Variants in SLC5A8 observed in about 807,000 individuals in gnomAD.
The protein encoded by SLC5A8 is sodium-coupled monocarboxylate transporter 1.
A neutral mutation model predicts 71.9 loss-of-function variants in SLC5A8; 55 were observed. The ratio of observed to expected loss-of-function variants is 0.77; its 90% CI spans 0.62 to 0.96. The LOEUF (loss-of-function observed/expected upper bound fraction) is 0.96. Among genes scored for constraint, SLC5A8 ranks in the 40% least tolerant of loss-of-function variants. SLC5A8 has a pLI of 0.00. For missense variants in SLC5A8, 701 were observed against 745.3 expected (o/e 0.94, Z 0.69); for synonymous variants, 307 against 276.1 (o/e 1.11, Z -1.11).
chr12:101,157,755 A>G (rs1363693403), intron 14 of SLC5A8, among the ~76,000 whole-genome samples: 2 of 152,198 alleles, frequency 1.3e-5, no homozygotes, highest in Non-Finnish European at 2.9e-5. Context: ...AGACAGATAT[A>G]GAGAGAGATA....
chr12:101,197,100 T>A (rs577772220), intron 3 of SLC5A8, among the ~76,000 whole-genome samples: 12 of 152,354 alleles, frequency 7.9e-5, no homozygotes, highest in Non-Finnish European at 1.2e-4. Context: ...AAGAATTTTT[T>A]AAAAATCTCA....
chr12:101,208,040 T>C (rs919189686), intron 1 of SLC5A8, among the ~76,000 whole-genome samples: 4 of 151,880 alleles, frequency 2.6e-5, no homozygotes, highest in African/African-American at 9.7e-5. Flanking sequence ...GCCTTTTGAG[T>C]TCTCGAAAGA....
At chr12:101,193,526 G>C (rs1411091066) in intron 5 of SLC5A8, 99 bp downstream of exon 5, 2 of 1,383,564 alleles carry the variant, frequency 1.4e-6, no homozygotes, top group African/African-American at 2.9e-5. Context: ...TTAGCAATTT[G>C]TTGGCTTGTT....
intron 2 of SLC5A8, among the ~76,000 whole-genome samples, chr12:101,202,507 C>T (rs1869498906): frequency 6.6e-6 from 1 of 151,828 alleles, no homozygotes; most frequent in Admixed American, 6.6e-5. Flanking sequence ...TCCACCAACT[C>T]AAGCTTGAAA....
At position 101,195,085 on chromosome 12, in the gene SLC5A8, C is replaced by T; in HGVS notation, c.537+10G>A. 1.2e-6 allele frequency: 2 copies of T among 1,613,910 alleles called. No homozygotes were observed. Among genetic ancestry groups the T allele is most frequent in the Non-Finnish European group, 1.7e-6 (2 of 1,179,944 alleles). On this transcript the variant is annotated intron_variant, in intron 4 of 14. Coordinates refer to ENST00000536262, the MANE Select transcript of SLC5A8 (RefSeq NM_145913.5). ...GGTAGAGTGAAAAGGGAAATATGTC[C>T]TGGACGTACCAGTGTGCAGTAGAAT...
chr12:101,206,444 A>G (rs1869681781), intron 1 of SLC5A8, among the ~76,000 whole-genome samples: 2 of 152,238 alleles, frequency 1.3e-5, no homozygotes, highest in Non-Finnish European at 2.9e-5. Flanking sequence ...ACCCAAATAA[A>G]TTGAACCAAA....
intron 7 of SLC5A8, among the ~76,000 whole-genome samples, chr12:101,186,018 T>C (rs967982387): frequency 1.3e-5 from 2 of 151,442 alleles, no homozygotes; most frequent in African/African-American, 4.9e-5. Context: ...TCTCTAAGCG[T>C]ATGCAAGCAA....
At chr12:101,191,721 C>T (rs749960719) in intron 5 of SLC5A8, among the ~76,000 whole-genome samples, 25 of 152,206 alleles carry the variant, frequency 1.6e-4, no homozygotes, top group Non-Finnish European at 3.1e-4. Context: ...TCCTTCTTCT[C>T]TTCATTTATC....
rs1253681244 is a variant in SLC5A8 at position 101,198,200 on chromosome 12, T to C, written c.470-3038A>G. Among the ~76,000 whole-genome samples the C allele has an allele frequency of 5.3e-5, 8 of 152,072 alleles. No homozygotes were observed. The East Asian group carries it at 1.5e-3, about 29-fold the overall frequency. ...TTTCAAAAAAATTAATAACTTTAAA[T>C]GTTTGCTTTATGAAATAAGAAATAT... is the stretch of plus-strand genomic sequence containing the variant. On this transcript the variant is annotated intron_variant, in intron 3 of 14. Coordinates refer to ENST00000536262, the MANE Select transcript of SLC5A8 (RefSeq NM_145913.5).
In SLC5A8 at chr12:101,209,870, C is replaced by T. The variant is rs1037437045; in HGVS notation, c.-22G>A. The T allele has an allele frequency of 6.7e-7, 1 of 1,500,328 alleles. No individual in the cohort carries two copies. The highest frequency in any genetic ancestry group is 1.4e-5 in the African/African-American group (1 of 71,302). The allele number at this position is 1,500,328 out of a possible 1,614,324, so 92.9% of individuals were successfully genotyped here. A position where few individuals can be genotyped will look rare whatever the true frequency, so the allele number is the denominator to read the frequency against. The stretch of plus-strand genomic sequence containing the variant: ...CCATGGCCGCACGGTCGCCTGAGCC[C>T]TGCGCGCAAACTGGTGGCCCCGCGG... On this transcript the variant is annotated 5_prime_UTR_variant, in exon 1 of 15. Coordinates refer to ENST00000536262, the MANE Select transcript of SLC5A8 (RefSeq NM_145913.5).
In SLC5A8 at chr12:101,200,009, C is replaced by CAAAA. The variant is rs1182463470; in HGVS notation, c.469+2151_469+2154dup. On this transcript the variant is annotated intron_variant, in intron 3 of 14. Transcript: ENST00000536262. ...GAGGCATAAAATGAAGTACTACCAG[C>CAAAA]AAAAAAAAAAAAAAAAAAAAAAAAA... Among the ~76,000 whole-genome samples the CAAAA allele has an allele frequency of 8.3e-4, 8 of 9,632 alleles. 1 individual carries two copies. Among genetic ancestry groups the CAAAA allele is most frequent in the Non-Finnish European group, 1.2e-3 (6 of 4,956 alleles). 6.3% of individuals were successfully genotyped at this position (9,632 alleles called of 152,430 possible). A position where few individuals can be genotyped will look rare whatever the true frequency, so the allele number is the denominator to read the frequency against.
intron 12 of SLC5A8, among the ~76,000 whole-genome samples, chr12:101,164,827 C>T (rs1373136857): frequency 6.6e-6 from 1 of 152,166 alleles, no homozygotes; most frequent in Admixed American, 6.5e-5. Context: ...TCCAATTTCC[C>T]TTCTGGTCAT....
chr12:101,204,548 A>G lies in SLC5A8; in HGVS notation c.369T>C (p.Phe123=). The G allele has an allele frequency of 6.2e-7, 1 of 1,601,546 alleles. No homozygotes were observed. Among genetic ancestry groups the G allele is most frequent in the Non-Finnish European group, 8.5e-7 (1 of 1,175,888 alleles). ...TSTYEYLELR[F]NKCVRLCGTV... The stretch of plus-strand genomic sequence containing the variant: ...TTCCACAGAGACGAACACATTTGTT[A>G]AATCGAAGTTCTAAATACTGTTGCA... Residue 123 remains phenylalanine, a synonymous_variant, in exon 2 of 15, where the codon TTT becomes TTC. Coordinates refer to ENST00000536262, the MANE Select transcript of SLC5A8 (RefSeq NM_145913.5).
At chr12:101,157,754 T>C (rs1004107366) in intron 14 of SLC5A8, among the ~76,000 whole-genome samples, 2 of 152,114 alleles carry the variant, frequency 1.3e-5, no homozygotes, top group Non-Finnish European at 2.9e-5. Flanking sequence ...TAGACAGATA[T>C]AGAGAGAGAT....
Position 101,209,898 on chromosome 12 carries a change from C to A in SLC5A8, c.-50G>T, listed in dbSNP as rs1054209907. The A allele has an allele frequency of 5.8e-5, 84 of 1,449,310 alleles. No individual in the cohort carries two copies. The highest frequency in any genetic ancestry group is 7.5e-5 in the Non-Finnish European group (82 of 1,095,178). 89.8% of individuals were successfully genotyped at this position (1,449,310 alleles called of 1,614,324 possible). On this transcript the variant is annotated 5_prime_UTR_variant, in exon 1 of 15. Coordinates refer to ENST00000536262, the MANE Select transcript of SLC5A8 (RefSeq NM_145913.5). ...CGCGCAAACTGGTGGCCCCGCGGCGCGCAGCCGGAGCCCGGCGCGCACTTC... is the reference window on the plus strand; with the variant it reads ...CGCGCAAACTGGTGGCCCCGCGGCGAGCAGCCGGAGCCCGGCGCGCACTTC...
chr12:101,189,130 G>T (rs1424531095), intron 6 of SLC5A8, among the ~76,000 whole-genome samples: 1 of 152,194 alleles, frequency 6.6e-6, no homozygotes, highest in South Asian at 2.1e-4. Flanking sequence ...ATCAAGTCGG[G>T]CTTTTTGGGT....
intron 2 of SLC5A8, among the ~76,000 whole-genome samples, chr12:101,203,720 T>A (rs1461408505): frequency 2.6e-5 from 4 of 152,212 alleles, no homozygotes; most frequent in African/African-American, 4.8e-5. Flanking sequence ...ACAACCTCCA[T>A]TAGCAAACCC....
At chr12:101,201,742 A>G (rs182360756) in intron 3 of SLC5A8, among the ~76,000 whole-genome samples, 76 of 152,260 alleles carry the variant, frequency 5.0e-4, no homozygotes, top group African/African-American at 1.8e-3. Context: ...GGGCCTTATT[A>G]GAAGTGTGGA....
At chr12:101,164,796 A>G (rs1211964945) in intron 12 of SLC5A8, among the ~76,000 whole-genome samples, 1 of 152,158 alleles carries the variant, frequency 6.6e-6, no homozygotes, top group African/African-American at 2.4e-5. Context: ...ACCACAATGC[A>G]TGTTTTAATT....
Sources: allele counts gnomAD v4.1 joint callset (sites outside exome capture counted in the v4.1 genomes callset), GRCh38; gene constraint gnomAD v4.1.1; transcripts MANE v1.5; gene names NCBI Gene and HGNC (gene_info 2026-07-23, HGNC 2026-07-21).